RBL2: variants seen among roughly 807,000 people sequenced by gnomAD.
RBL2 encodes the protein retinoblastoma-like protein 2.
RBL2 carries 56 observed loss-of-function variants against 126.0 expected under a neutral mutation model. The ratio of observed to expected loss-of-function variants is 0.44; its 90% CI spans 0.36 to 0.56. RBL2 has a LOEUF of 0.56. Among genes scored for constraint, RBL2 ranks in the 20% least tolerant of loss-of-function variants. The pLI is 0.00. For synonymous variants in RBL2, 454 were observed against 478.5 expected, an observed-to-expected ratio of 0.95 and a Z score of 0.67; for missense variants, 1,229 against 1,398.2, an observed-to-expected ratio of 0.88 and a Z score of 1.93.
chr16:53,488,718 A>G (rs931924788), intron 21 of RBL2: 3 of 152,232 alleles, frequency 2.0e-5, no homozygotes, highest in Non-Finnish European at 4.4e-5. Flanking sequence ...GATACTTGAC[A>G]GAGCAGTGTC....
chr16:53,471,353 C>T (rs2058321266), intron 17 of RBL2, among the ~76,000 whole-genome samples: 1 of 152,184 alleles, frequency 6.6e-6, no homozygotes, highest in Non-Finnish European at 1.5e-5. Context: ...CCATTTTACA[C>T]TTACACAGCA....
chr16:53,440,348 T>C (rs2058003118), intron 2 of RBL2, among the ~76,000 whole-genome samples: 1 of 152,110 alleles, frequency 6.6e-6, no homozygotes, highest in South Asian at 2.1e-4. Context: ...GTTGTGAATT[T>C]TAGTAATCTT....
intron 21 of RBL2, chr16:53,489,339 AATAG>A (rs1237464679): frequency 1.3e-5 from 2 of 152,194 alleles, no homozygotes; most frequent in Non-Finnish European, 2.9e-5. Context: ...AATTTCCTAT[AATAG>A]ATATCTGTGA....
intron 17 of RBL2, among the ~76,000 whole-genome samples, chr16:53,473,910 T>A (rs1375603586): frequency 2.6e-5 from 4 of 152,192 alleles, no homozygotes; most frequent in Admixed American, 2.6e-4. Context: ...TGTGCTTATT[T>A]TTTTTATTCT....
chr16:53,465,360 A>G, intron 12 of RBL2, 78 bp from the exon 13 acceptor site: 1 of 986,066 alleles, frequency 1.0e-6, no homozygotes, highest in Non-Finnish European at 1.3e-6. Flanking sequence ...TTCAACTTGT[A>G]ATTTTGACTA....
intron 1 of RBL2, chr16:53,435,500 G>A (rs1357262885): frequency 2.8e-6 from 3 of 1,070,132 alleles, no homozygotes; most frequent in Non-Finnish European, 3.6e-6. Flanking sequence ...GGTGTGTTAG[G>A]TCGCAGCCTT....
intron 14 of RBL2, among the ~76,000 whole-genome samples, chr16:53,469,109 A>T (rs1007780328): frequency 6.6e-6 from 1 of 152,228 alleles, no homozygotes; most frequent in Non-Finnish European, 1.5e-5. Flanking sequence ...ATATGCCTCT[A>T]ATCCCAGTTA....
rs1034313932 is a variant in RBL2, at chr16:53,434,635, G to C, written c.79G>C (p.Asp27His). 4.5e-6 allele frequency: 7 copies of C among 1,563,578 alleles called. No individual in the cohort carries two copies. In the African/African-American group the frequency reaches 8.3e-5, roughly 18 times the overall value. The change falls in exon 1 of 22, where the codon GAC (aspartate) becomes CAC (histidine). Residue 27 changes from aspartate (D) to histidine (H), a missense_variant. Asp to His is a moderately conservative substitution (Grantham distance 81). Around this residue, in one of 2 missense-constraint regions of RBL2, gnomAD observed 159 missense variants for 123.9 expected, o/e 1.28. Coordinates refer to ENST00000262133, the MANE Select transcript of RBL2 (RefSeq NM_005611.4). ...GGCAGCCTCGGATGAGGAGGAGGAG[G>C]ACGACGGCGAGGCGGAAGACGCCGC... ...AAAASDEEEE[D>H]DGEAEDAAPP...
At chr16:53,465,159 G>A (rs910397665) in intron 12 of RBL2, among the ~76,000 whole-genome samples, 4 of 152,112 alleles carry the variant, frequency 2.6e-5, no homozygotes, top group Non-Finnish European at 5.9e-5. Context: ...TAGTGGCATA[G>A]ATTAAATGTT....
At chr16:53,447,018 A>G (rs780340434) in intron 3 of RBL2, 24 bp from the exon 4 acceptor site, 18 of 1,412,136 alleles carry the variant, frequency 1.3e-5, no homozygotes, top group Non-Finnish European at 1.7e-5. Flanking sequence ...TTGTCTCATG[A>G]CTTTTTTTTT....
chr16:53,434,870 C>T, intron 1 of RBL2, 74 bp downstream of exon 1: 6 of 1,401,200 alleles, frequency 4.3e-6, no homozygotes, highest in Non-Finnish European at 5.6e-6. Context: ...CGTCGCGCGC[C>T]TCGAGAGACT....
chr16:53,456,827 A>G (rs1330048864), intron 8 of RBL2, among the ~76,000 whole-genome samples: 2 of 152,116 alleles, frequency 1.3e-5, no homozygotes, highest in Non-Finnish European at 2.9e-5. Context: ...GTCAATAATA[A>G]CCACAACATC....
rs1400332257 is a variant in RBL2, at chr16:53,447,121, A to C, written c.637+15A>C. The C allele has an allele frequency of 7.6e-7, 1 of 1,323,144 alleles. No individual in the cohort carries two copies. The highest frequency in any genetic ancestry group is 1.3e-5 in the South Asian group (1 of 77,626). 82.0% of individuals were successfully genotyped at this position (1,323,144 alleles called of 1,614,324 possible). A position where few individuals can be genotyped will look rare whatever the true frequency, so the allele number is the denominator to read the frequency against. On this transcript the variant is annotated intron_variant, in intron 4 of 21. Coordinates refer to ENST00000262133, the MANE Select transcript of RBL2 (RefSeq NM_005611.4). Reference sequence around the variant, plus strand: ...ATATGCAAAAGGTAAGAAAATAGTAATATTTATTTAGATTTAATATGTCTA... The same window carrying C: ...ATATGCAAAAGGTAAGAAAATAGTACTATTTATTTAGATTTAATATGTCTA...
At chr16:53,475,679 T>C (rs1960699887) in intron 17 of RBL2, among the ~76,000 whole-genome samples, 1 of 152,066 alleles carries the variant, frequency 6.6e-6, no homozygotes, top group African/African-American at 2.4e-5. Flanking sequence ...TTCTGCTTAC[T>C]TGAGGCTTAC....
At chr16:53,461,669 T>C in intron 9 of RBL2, 72 bp from the exon 10 acceptor site, 1 of 1,069,212 alleles carries the variant, frequency 9.4e-7, no homozygotes, top group Admixed American at 2.6e-5. Flanking sequence ...TTAGTGAAAT[T>C]ATAGAAACAT....
intron 1 of RBL2, among the ~76,000 whole-genome samples, chr16:53,436,630 T>A (rs1164535168): frequency 6.6e-6 from 1 of 152,220 alleles, no homozygotes; most frequent in African/African-American, 2.4e-5. Context: ...GCTCTTATGA[T>A]GTTTAATACA....
In RBL2 at chr16:53,454,643, G is replaced by A; in HGVS notation, c.993-13G>A. 6.3e-7 allele frequency: 1 copy of A among 1,585,094 alleles called. No homozygotes were observed. Among genetic ancestry groups the A allele is most frequent in the Non-Finnish European group, 8.6e-7 (1 of 1,160,066 alleles). ...GAGAGAGTACATTTTGTCTGTATTT[G>A]TTTTTCCTATAGTAAAGCCATCAAT... On this transcript the variant is annotated splice_polypyrimidine_tract_variant and intron_variant, in intron 7 of 21. Coordinates refer to ENST00000262133, the MANE Select transcript of RBL2 (RefSeq NM_005611.4).
intron 18 of RBL2, chr16:53,479,668 G>A (rs1332587912): frequency 3.9e-6 from 2 of 508,672 alleles, no homozygotes; most frequent in Non-Finnish European, 7.0e-6. Context: ...TGTCACTGCA[G>A]TGTAGTACTG....
At chr16:53,441,882 G>A (rs571148680) in intron 2 of RBL2, among the ~76,000 whole-genome samples, 22 of 152,156 alleles carry the variant, frequency 1.4e-4, no homozygotes, top group African/African-American at 3.4e-4. Context: ...GTGCAGTGGC[G>A]TGATCTCGGC....
Sources: allele counts gnomAD v4.1 joint callset (sites outside exome capture counted in the v4.1 genomes callset), GRCh38; gene constraint gnomAD v4.1.1; regional missense constraint gnomAD v4.1.1; transcripts MANE v1.5; gene names NCBI Gene and HGNC (gene_info 2026-07-23, HGNC 2026-07-21).